The following PTPRG variants were observed in gnomAD, a reference collection of about 807,000 sequenced individuals.
PTPRG encodes protein tyrosine phosphatase receptor type G, also known as receptor-type tyrosine-protein phosphatase gamma.
PTPRG carries 102 observed loss-of-function variants against 165.3 expected under a neutral mutation model. The ratio of observed to expected loss-of-function variants is 0.62; its 90% CI spans 0.53 to 0.73. PTPRG has a LOEUF of 0.73. Among genes scored for constraint, PTPRG ranks in the 30% least tolerant of loss-of-function variants. The pLI is 0.00. For synonymous variants in PTPRG, 675 were observed against 669.5 expected (o/e 1.01, Z -0.13); for missense variants, 1,866 against 1,861.4 (o/e 1.00, Z -0.05).
chr3:61,708,203 G>A (rs145407506), intron 1 of PTPRG, among the ~76,000 whole-genome samples: 15 of 152,066 alleles, frequency 9.9e-5, no homozygotes, highest in Non-Finnish European at 2.1e-4. Flanking sequence ...CAGCCAACTG[G>A]TGATCTAAGC....
At chr3:61,974,437 C>CA (rs2040456094) in intron 2 of PTPRG, among the ~76,000 whole-genome samples, 1 of 152,018 alleles carries the variant, frequency 6.6e-6, no homozygotes, top group Non-Finnish European at 1.5e-5. Context: ...CCTGTAATCC[C>CA]AGCTACTCGG....
intron 2 of PTPRG, among the ~76,000 whole-genome samples, chr3:61,985,188 G>A (rs1361549089): frequency 6.6e-6 from 1 of 152,238 alleles, no homozygotes; most frequent in Non-Finnish European, 1.5e-5. Flanking sequence ...CTGCCCAAAT[G>A]GGAAATGCCT....
chr3:61,947,731 C>T lies in PTPRG; in HGVS notation c.191-41894C>T, dbSNP rs1045342487. 3.3e-5 allele frequency among the ~76,000 whole-genome samples: 5 copies of T among 152,250 alleles called. No individual in the cohort carries two copies. The East Asian group carries it at 5.8e-4, about 18-fold the overall frequency. On this transcript the variant is annotated intron_variant, in intron 2 of 29. Coordinates refer to ENST00000474889, the MANE Select transcript of PTPRG (RefSeq NM_002841.4). ...GCCCCTGGCATTACTGGGCTGAAAT[C>T]GTCTTATAGTTGCAATGCCAAAGGA...
At chr3:62,058,198 A>C (rs1700691474) in intron 4 of PTPRG, among the ~76,000 whole-genome samples, 1 of 152,190 alleles carries the variant, frequency 6.6e-6, no homozygotes, top group Non-Finnish European at 1.5e-5. Context: ...ACCTAGCCCA[A>C]GCTATCTTTA....
chr3:61,967,464 A>C (rs2040295806), intron 2 of PTPRG, among the ~76,000 whole-genome samples: 1 of 152,106 alleles, frequency 6.6e-6, no homozygotes, highest in Admixed American at 6.6e-5. Flanking sequence ...ATATTAACCC[A>C]CCATAGGAAT....
chr3:62,172,850 C>T (rs1705270927), intron 8 of PTPRG, among the ~76,000 whole-genome samples: 1 of 152,158 alleles, frequency 6.6e-6, no homozygotes, highest in African/African-American at 2.4e-5. Flanking sequence ...CTTTCAATGC[C>T]CAGGAAAGCT....
chr3:61,855,334 T>C (rs1215198645), intron 2 of PTPRG, among the ~76,000 whole-genome samples: 1 of 152,198 alleles, frequency 6.6e-6, no homozygotes. Flanking sequence ...AGTCATCTCA[T>C]TGCAGATTGT....
intron 6 of PTPRG, among the ~76,000 whole-genome samples, chr3:62,133,428 C>T (rs1369478011): frequency 6.6e-6 from 1 of 152,196 alleles, no homozygotes; most frequent in Non-Finnish European, 1.5e-5. Flanking sequence ...CCTTCATCTC[C>T]ACAGCTGTGA....
chr3:62,105,581 A>G (rs977642983), intron 5 of PTPRG, among the ~76,000 whole-genome samples: 2 of 152,196 alleles, frequency 1.3e-5, no homozygotes, highest in African/African-American at 4.8e-5. Flanking sequence ...GCATTTAAGA[A>G]TAGAAGGTTT....
chr3:61,595,721 G>T (rs1700685505), intron 1 of PTPRG, among the ~76,000 whole-genome samples: 1 of 152,200 alleles, frequency 6.6e-6, no homozygotes, highest in Non-Finnish European at 1.5e-5. Context: ...GGGTCTTGGA[G>T]TCTTTATTGG....
At chr3:61,687,897 G>T (rs1271938746) in intron 1 of PTPRG, among the ~76,000 whole-genome samples, 1 of 152,170 alleles carries the variant, frequency 6.6e-6, no homozygotes, top group Non-Finnish European at 1.5e-5. Context: ...AACAGAATAG[G>T]ACAATTTAAT....
chr3:61,754,193 C>G lies in PTPRG; in HGVS notation c.190+5211C>G, dbSNP rs1043763470. On this transcript the variant is annotated intron_variant, in intron 2 of 29. Coordinates refer to ENST00000474889, the MANE Select transcript of PTPRG (RefSeq NM_002841.4). ...TGGGTGAAGGTCAAGCAGGATTATT[C>G]TAAGAGGCATTCCTGCCATAGCCAG... is the stretch of plus-strand genomic sequence containing the variant. Among the ~76,000 whole-genome samples, 11 of 152,284 alleles carry G rather than the reference C, an allele frequency of 7.2e-5. No individual in the cohort carries two copies. In the East Asian group the frequency reaches 2.1e-3, roughly 29 times the overall value.
rs77028251 is a variant in PTPRG at position 61,981,480 on chromosome 3, A to T, written c.191-8145A>T. ...CTGTTTCTGAAGCTGGGTCAGGGTC[A>T]TGCCATTTAGATATTAGTATTTGGA... On this transcript the variant is annotated intron_variant, in intron 2 of 29. Coordinates refer to ENST00000474889, the MANE Select transcript of PTPRG (RefSeq NM_002841.4). Among the ~76,000 whole-genome samples the T allele has an allele frequency of 4.6e-3, 696 of 152,350 alleles. 4 individuals carry two copies. The highest frequency in any genetic ancestry group is 0.015 in the African/African-American group (623 of 41,582).
chr3:62,233,035 T>G lies in PTPRG; in HGVS notation c.2375+1724T>G, dbSNP rs1700941912. On this transcript the variant is annotated intron_variant, in intron 14 of 29. Transcript: ENST00000474889. This position sits in a 1 kb window ranked among gnomAD's most constrained non-coding sequence, Gnocchi z 4.7. ...CTTTTCATGAGGTTGTTGTGAAGAT[T>G]AAATGGGGGTAGTATATGTAAAATG... Among the ~76,000 whole-genome samples the G allele has an allele frequency of 6.6e-6, 1 of 152,138 alleles. No homozygotes were observed.
intron 5 of PTPRG, among the ~76,000 whole-genome samples, chr3:62,080,318 C>T (rs1397155449): frequency 5.3e-5 from 8 of 151,870 alleles, no homozygotes; most frequent in Non-Finnish European, 1.2e-4. Flanking sequence ...TCACGTGATC[C>T]GCCTGCCTCG....
chr3:62,168,465 T>G (rs777529495), intron 8 of PTPRG, among the ~76,000 whole-genome samples: 2 of 152,334 alleles, frequency 1.3e-5, no homozygotes, highest in East Asian at 3.9e-4. Context: ...GTCTTACTTT[T>G]TATGTGTTTC....
chr3:62,082,352 C>T (rs1559786645), intron 5 of PTPRG, among the ~76,000 whole-genome samples: 1 of 152,174 alleles, frequency 6.6e-6, no homozygotes, highest in East Asian at 1.9e-4. Flanking sequence ...TAGGCACAAA[C>T]CTAGCAGACA....
chr3:62,263,686 T>G (rs1701768057), intron 17 of PTPRG: 1 of 152,254 alleles, frequency 6.6e-6, no homozygotes, highest in Non-Finnish European at 1.5e-5. Context: ...TCTTAAAGTT[T>G]TAGTGAAATA....
rs549228363 is a variant in PTPRG at position 61,576,483 on chromosome 3, G to C, written c.85+14111G>C. On this transcript the variant is annotated intron_variant, in intron 1 of 29. Coordinates refer to ENST00000474889, the MANE Select transcript of PTPRG (RefSeq NM_002841.4). ...GCAGTTTTTCTACAGAGGAATTGGA[G>C]GTTGGCATTTGAGCCAATGGTCCCC... is the stretch of plus-strand genomic sequence containing the variant. Among the ~76,000 whole-genome samples the C allele has an allele frequency of 1.3e-3, 197 of 152,288 alleles. 5 individuals carry two copies. Among genetic ancestry groups the C allele is most frequent in the Non-Finnish European group, 2.5e-4 (17 of 68,032 alleles).
Sources: gnomAD v4.1 joint callset for allele counts (sites outside exome capture counted in the v4.1 genomes callset) on GRCh38, gnomAD v4.1.1 for gene constraint, Gnocchi (gnomAD v3.1) non-coding constraint, MANE v1.5 for transcripts, NCBI Gene and HGNC (gene_info 2026-07-23, HGNC 2026-07-21) for gene names.